The following AASDH variants were observed in gnomAD, a reference collection of about 807,000 sequenced individuals.
AASDH encodes aminoadipate-semialdehyde dehydrogenase, also known as beta-alanine-activating enzyme.
A neutral mutation model predicts 102.3 loss-of-function variants in AASDH; 81 were observed. The ratio of observed to expected loss-of-function variants is 0.79; its 90% CI spans 0.66 to 0.95. The LOEUF (loss-of-function observed/expected upper bound fraction) is 0.95. Among genes scored for constraint, AASDH ranks in the 40% least tolerant of loss-of-function variants. AASDH has a pLI of 0.00. For missense variants in AASDH, 1,203 were observed against 1,266.2 expected, an observed-to-expected ratio of 0.95 and a Z score of 0.76; for synonymous variants, 398 against 454.0, an observed-to-expected ratio of 0.88 and a Z score of 1.57.
intron 5 of AASDH, among the ~76,000 whole-genome samples, chr4:56,369,065 A>C (rs1470055651): frequency 6.6e-6 from 1 of 152,170 alleles, no homozygotes; most frequent in East Asian, 1.9e-4. Flanking sequence ...TGACATTCCC[A>C]ATAACTATTG....
intron 4 of AASDH, among the ~76,000 whole-genome samples, chr4:56,372,698 C>A (rs1432138854): frequency 6.6e-6 from 1 of 152,132 alleles, no homozygotes; most frequent in African/African-American, 2.4e-5. Context: ...GGTGTAGGGG[C>A]CGAAAGGCTG....
At chr4:56,343,190 A>C (rs1444770264) in intron 13 of AASDH, among the ~76,000 whole-genome samples, 1 of 152,168 alleles carries the variant, frequency 6.6e-6, no homozygotes, top group African/African-American at 2.4e-5. Flanking sequence ...AGAAAAAACT[A>C]GCACCTAAGA....
intron 4 of AASDH, among the ~76,000 whole-genome samples, chr4:56,372,282 A>T (rs866130304): frequency 7.2e-5 from 11 of 152,158 alleles, no homozygotes; most frequent in Middle Eastern, 6.8e-3. Context: ...TTCCTAACTG[A>T]TCCCTATGGA....
intron 4 of AASDH, among the ~76,000 whole-genome samples, chr4:56,375,310 T>A (rs1752213460): frequency 6.6e-6 from 1 of 152,176 alleles, no homozygotes; most frequent in South Asian, 2.1e-4. Context: ...GCAACAGAGA[T>A]AAGATTGTTC....
At chr4:56,385,895 A>C (rs1234735374) in intron 1 of AASDH, among the ~76,000 whole-genome samples, 1 of 151,476 alleles carries the variant, frequency 6.6e-6, no homozygotes, top group African/African-American at 2.4e-5. Context: ...AGGCGGAGCC[A>C]CCGCGCCCGG....
intron 5 of AASDH, chr4:56,356,732 C>T: frequency 1.4e-6 from 1 of 712,534 alleles, no homozygotes; most frequent in Non-Finnish European, 2.6e-6. Context: ...ACCTGTACCA[C>T]TGTCGCCTTC....
At position 56,349,521 on chromosome 4, in the gene AASDH, C is replaced by T. The variant is rs763182400; in HGVS notation, c.2230G>A (p.Gly744Arg). The change falls in exon 11 of 15, where the codon GGG becomes AGG. Residue 744 changes from glycine (G) to arginine (R), a missense_variant. Gly to Arg is a moderately radical substitution (Grantham distance 125). Transcript: ENST00000205214. Reference protein sequence around the residue: ...PSCVAKVSEEGKPAIGTQKME... With the variant: ...PSCVAKVSEERKPAIGTQKME... Reference sequence around the variant, plus strand: ...TTCTGAGTCCCTATCGCAGGTTTCCCCTCTTCAGAAACTTTTGCAACACAG... The same window carrying T: ...TTCTGAGTCCCTATCGCAGGTTTCCTCTCTTCAGAAACTTTTGCAACACAG... 4.3e-6 allele frequency: 7 copies of T among 1,614,054 alleles called. No individual in the cohort carries two copies. Among genetic ancestry groups the T allele is most frequent in the African/African-American group, 4.0e-5 (3 of 74,924 alleles).
intron 5 of AASDH, among the ~76,000 whole-genome samples, chr4:56,368,879 AC>A (rs66480469): frequency 0.25 from 32,811 of 131,174 alleles, 4,091 homozygotes; most frequent in Non-Finnish European, 0.34. Context: ...AAAAAAAAAA[AC>A]AAATGTAAAT....
intron 4 of AASDH, among the ~76,000 whole-genome samples, chr4:56,374,389 A>G (rs1367434242): frequency 2.0e-5 from 3 of 151,178 alleles, no homozygotes; most frequent in Non-Finnish European, 4.4e-5. Flanking sequence ...AAAAAAAAAA[A>G]AGGACATTTG....
intron 5 of AASDH, chr4:56,356,247 T>C (rs1449622746): frequency 7.2e-6 from 6 of 828,018 alleles, no homozygotes; most frequent in Admixed American, 1.7e-5. Flanking sequence ...CCTAAGAATT[T>C]TGGCACTGAG....
Position 56,338,605 on chromosome 4 carries a change from C to T in AASDH, c.3094G>A (p.Gly1032Ser), listed in dbSNP as rs150731376. ...GCTGCCAGCAACATTTCATTGCTGC[C>T]ATTGTAGTTATGGAAAGCAAACGGT... ...ATPFAFHNYN[G>S]SNEMLLAAAS... Residue 1032 changes from glycine (G) to serine (S), a missense_variant, in exon 15 of 15, where the codon GGC becomes AGC. Gly to Ser is a moderately conservative substitution (Grantham distance 56). Transcript: ENST00000205214. 1.2e-6 allele frequency: 2 copies of T among 1,614,028 alleles called. No homozygotes were observed. Among genetic ancestry groups the T allele is most frequent in the African/African-American group, 2.7e-5 (2 of 74,916 alleles).
chr4:56,342,329 C>A (rs1477370717), intron 14 of AASDH, among the ~76,000 whole-genome samples: 1 of 152,040 alleles, frequency 6.6e-6, no homozygotes, highest in Non-Finnish European at 1.5e-5. Flanking sequence ...ATAATAAGTA[C>A]TCAAGGTGAT....
At chr4:56,343,494 G>A (rs187877713) in intron 13 of AASDH, 68 bp downstream of exon 13, 200 of 1,383,728 alleles carry the variant, frequency 1.4e-4, no homozygotes, top group Admixed American at 4.2e-4. Flanking sequence ...AACTTTCAAA[G>A]CTCAAAGCAA....
intron 5 of AASDH, among the ~76,000 whole-genome samples, chr4:56,362,930 CT>C (rs2109933621): frequency 6.6e-6 from 1 of 152,328 alleles, no homozygotes; most frequent in South Asian, 2.1e-4. Context: ...AAGGCATCGC[CT>C]CACCTGGGAA....
intron 4 of AASDH, among the ~76,000 whole-genome samples, chr4:56,377,850 G>A (rs954011078): frequency 6.6e-6 from 1 of 151,994 alleles, no homozygotes; most frequent in African/African-American, 2.4e-5. Context: ...TGTCACTCAG[G>A]CTGGAGTGCA....
At chr4:56,364,010 T>C (rs13112042) in intron 5 of AASDH, among the ~76,000 whole-genome samples, 67,747 of 151,810 alleles carry the variant, frequency 0.45, 15,473 homozygotes, top group Non-Finnish European at 0.49. Flanking sequence ...GAATAACCAA[T>C]GCAGAGAAGT....
In AASDH at chr4:56,384,250, C is replaced by T. The variant is rs773556845; in HGVS notation, c.50G>A (p.Arg17Lys). The T allele has an allele frequency of 3.2e-5, 51 of 1,613,998 alleles. No individual in the cohort carries two copies. In the Middle Eastern group the frequency reaches 4.9e-4, roughly 16 times the overall value. ...GCATTCATCAAAACATACAGCTACT[C>T]TGTCCATATAACAGGAGGCAGCCTT... Reference protein sequence around the residue: ...VHKAASCYMDRVAVCFDECNN... With the variant: ...VHKAASCYMDKVAVCFDECNN... Residue 17 changes from arginine (R) to lysine (K), a missense_variant, in exon 2 of 15, where the codon AGA becomes AAA. Physicochemically the swap from Arg to Lys is conservative, Grantham distance 26. Coordinates refer to ENST00000205214, the MANE Select transcript of AASDH (RefSeq NM_181806.4).
chr4:56,378,433 T>C lies in AASDH; in HGVS notation c.383A>G (p.Asn128Ser), dbSNP rs377407717. ...KFKSFHETLL[N>S]YDTFTVEHND... ...ATGTTCCACTGTAAATGTATCATAG[T>C]TCAATAATGTTTCATGAAAAGATTT... is the stretch of plus-strand genomic sequence containing the variant. The change falls in exon 4 of 15, where the codon AAC (asparagine) becomes AGC (serine). Residue 128 changes from asparagine (N) to serine (S), a missense_variant. Coordinates refer to ENST00000205214, the MANE Select transcript of AASDH (RefSeq NM_181806.4). The C allele has an allele frequency of 2.5e-6, 4 of 1,603,350 alleles. No homozygotes were observed. The highest frequency in any genetic ancestry group is 3.4e-6 in the Non-Finnish European group (4 of 1,176,578).
intron 11 of AASDH, 89 bp downstream of exon 11, chr4:56,349,174 T>C: frequency 7.3e-7 from 1 of 1,376,108 alleles, no homozygotes; most frequent in Non-Finnish European, 9.9e-7. Context: ...CCATCATATT[T>C]AGATTTTTAA....
Sources: gnomAD v4.1 joint callset for allele counts (sites outside exome capture counted in the v4.1 genomes callset) on GRCh38, gnomAD v4.1.1 for gene constraint, MANE v1.5 for transcripts, NCBI Gene and HGNC (gene_info 2026-07-23, HGNC 2026-07-21) for gene names.